NOTCH2: variants seen among roughly 807,000 people sequenced by gnomAD.
NOTCH2 encodes the protein notch receptor 2, also known as neurogenic locus notch homolog protein 2.
A neutral mutation model predicts 235.8 loss-of-function variants in NOTCH2; 29 were observed. The observed-to-expected ratio is 0.12, with a 90% CI of 0.09 to 0.17. NOTCH2 has a LOEUF of 0.17. Ranked by LOEUF, NOTCH2 falls within the 10% of genes least tolerant of loss-of-function variation. The pLI is 1.00. For missense variants in NOTCH2, 2,285 were observed against 3,150.2 expected (o/e 0.73, Z 6.57); for synonymous variants, 1,086 against 1,141.5 (o/e 0.95, Z 0.98).
At position 120,001,693 on chromosome 1, in the gene NOTCH2, G is replaced by T. The variant is rs1183401842; in HGVS notation, c.415+3636C>A. On this transcript the variant is annotated intron_variant, in intron 3 of 33. Coordinates refer to ENST00000256646, the MANE Select transcript of NOTCH2 (RefSeq NM_024408.4). Reference sequence around the variant, plus strand: ...CTTACTGGAATAGACACTTACTCTGGATATGGGTTTGCCTATCCTGCATGC... The same window carrying T: ...CTTACTGGAATAGACACTTACTCTGTATATGGGTTTGCCTATCCTGCATGC... Among the ~76,000 whole-genome samples, 3 of 152,162 alleles carry T rather than the reference G, an allele frequency of 2.0e-5. 1 individual carries two copies.
At position 119,916,136 on chromosome 1, in the gene NOTCH2, G is replaced by C; in HGVS notation, c.6586C>G (p.Gln2196Glu). Residue 2196 changes from glutamine to glutamate, a missense_variant, in exon 34 of 34, where the codon CAG becomes GAG. Coordinates refer to ENST00000256646, the MANE Select transcript of NOTCH2 (RefSeq NM_024408.4). ...AGGTTAGAAAAAGATAGTGCATGCT[G>C]GGCATGGACTGGGGCAGGAGGGGCG... ...TAAPPAPVHAQHALSFSNLHE... is the reference protein window; with the variant it reads ...TAAPPAPVHAEHALSFSNLHE... 1.9e-6 allele frequency: 3 copies of C among 1,614,174 alleles called. No homozygotes were observed. In the South Asian group the frequency reaches 3.3e-5, roughly 18 times the overall value.
chr1:119,950,478 T>TAA, intron 15 of NOTCH2: 2 of 634,556 alleles, frequency 3.2e-6, no homozygotes, highest in Non-Finnish European at 5.8e-6. Context: ...CACATACAAT[T>TAA]AAAAAAAAAT....
At chr1:120,014,474 G>T (rs1374563740) in intron 2 of NOTCH2, among the ~76,000 whole-genome samples, 1 of 148,962 alleles carries the variant, frequency 6.7e-6, no homozygotes, top group Non-Finnish European at 1.5e-5. Flanking sequence ...TCAAACATAC[G>T]CATGGGGTTG....
At chr1:119,950,532 C>T in intron 15 of NOTCH2, 192 bp downstream of exon 15, 2 of 697,318 alleles carry the variant, frequency 2.9e-6, no homozygotes, top group Non-Finnish European at 5.3e-6. Flanking sequence ...TGACTGTCCA[C>T]CACTTGCATC....
At chr1:119,937,719 G>A in intron 20 of NOTCH2, 138 bp downstream of exon 20, 1 of 935,666 alleles carries the variant, frequency 1.1e-6, no homozygotes. Flanking sequence ...TCTGTCTTGA[G>A]CCCTTTCCCC....
intron 1 of NOTCH2, among the ~76,000 whole-genome samples, chr1:120,033,805 A>G (rs1654197217): frequency 1.3e-5 from 2 of 152,210 alleles, no homozygotes; most frequent in Non-Finnish European, 2.9e-5. Context: ...AAAATGTTAA[A>G]TATTTGAGAT....
chr1:120,007,641 C>A (rs1431195763), intron 2 of NOTCH2, among the ~76,000 whole-genome samples: 1 of 151,736 alleles, frequency 6.6e-6, no homozygotes, highest in Non-Finnish European at 1.5e-5. Flanking sequence ...AGTGAGCCAA[C>A]GAGATTGTGC....
intron 19 of NOTCH2, among the ~76,000 whole-genome samples, 153 bp downstream of exon 19, chr1:119,940,401 TG>T (rs1650023297): frequency 6.6e-6 from 1 of 152,218 alleles, no homozygotes; most frequent in South Asian, 2.1e-4. Context: ...TTTTGGAATC[TG>T]CAAGTTATTA....
rs1570699995 is a variant in NOTCH2, at chr1:119,967,418, G to C, written c.1453+15C>G. On this transcript the variant is annotated intron_variant, in intron 8 of 33. Transcript: ENST00000256646. ...CCCTCCTCTCTAGACCCAACATGCT[G>C]ATGGGCCCATTTACCTGGCATGCAC... 6 of 1,612,450 alleles carry C rather than the reference G, an allele frequency of 3.7e-6. No homozygotes were observed. Among genetic ancestry groups the C allele is most frequent in the Non-Finnish European group, 5.1e-6 (6 of 1,178,504 alleles).
intron 5 of NOTCH2, among the ~76,000 whole-genome samples, chr1:119,975,831 A>G (rs1651559462): frequency 6.6e-6 from 1 of 152,180 alleles, no homozygotes; most frequent in Admixed American, 6.5e-5. Context: ...GGACACAAAC[A>G]GCTCATTATG....
rs1358655989 is a variant in NOTCH2 at position 119,953,557 on chromosome 1, T to C, written c.2351A>G (p.Lys784Arg). 2 of 1,614,094 alleles carry C rather than the reference T, an allele frequency of 1.2e-6. No individual in the cohort carries two copies. The highest frequency in any genetic ancestry group is 1.7e-6 in the Non-Finnish European group (2 of 1,180,034). The change falls in exon 14 of 34, where the codon AAG (lysine) becomes AGG (arginine). Residue 784 changes from lysine to arginine, a missense_variant. Coordinates refer to ENST00000256646, the MANE Select transcript of NOTCH2 (RefSeq NM_024408.4). ...NLVNGYRCTC[K>R]KGFKGYNCQV... is the part of the protein sequence containing the mutation. ...TTTGTTTTCACCTTTAAAGCCCTTC[T>C]TGCAAGTACACCTGTATCCATTCAC...
intron 17 of NOTCH2, among the ~76,000 whole-genome samples, chr1:119,945,063 A>G (rs1553196898): frequency 6.6e-6 from 1 of 152,162 alleles, no homozygotes; most frequent in South Asian, 2.1e-4. Context: ...ACATTTTATA[A>G]CAACAATAGA....
rs2101156121 is a variant in NOTCH2 at position 119,922,685 on chromosome 1, G to A, written c.4953C>T (p.Ala1651=). ...ACAGGGTCCCCTGTATGGCGTGAGA[G>A]GCCAGGAGAGCTGCTGCTGCATCCG... The part of the protein sequence containing the change: ...KNTDAAAALL[A]SHAIQGTLSY... The change falls in exon 27 of 34, where the codon GCC becomes GCT. Residue 1651 remains alanine (A), a synonymous_variant. Coordinates refer to ENST00000256646, the MANE Select transcript of NOTCH2 (RefSeq NM_024408.4). The A allele has an allele frequency of 6.2e-7, 1 of 1,614,198 alleles. No homozygotes were observed. The highest frequency in any genetic ancestry group is 8.5e-7 in the Non-Finnish European group (1 of 1,180,044).
chr1:119,953,798 T>C (rs1199356335), intron 13 of NOTCH2, 110 bp from the exon 14 acceptor site: 1 of 959,262 alleles, frequency 1.0e-6, no homozygotes, highest in Non-Finnish European at 1.7e-6. Context: ...TCATTTCTAC[T>C]TTCATGGAAC....
intron 11 of NOTCH2, among the ~76,000 whole-genome samples, chr1:119,963,209 A>C (rs1319303141): frequency 2.0e-5 from 3 of 151,728 alleles, no homozygotes; most frequent in African/African-American, 7.3e-5. Flanking sequence ...GAAGGAAGGA[A>C]GGACTGAATT....
Position 119,986,873 on chromosome 1 carries a change from T to C in NOTCH2, c.874+87A>G, listed in dbSNP as rs1652039289. The C allele has an allele frequency of 4.5e-6, 7 of 1,568,234 alleles. No individual in the cohort carries two copies. In the South Asian group the frequency reaches 7.8e-5, roughly 17 times the overall value. On this transcript the variant is annotated intron_variant, in intron 5 of 33. Transcript: ENST00000256646. ...TACTGGTTCCAGAGCAGGCCTAAGA[T>C]ATTTGTTACTGATATTTTAAAAAAA...
Position 119,929,235 on chromosome 1 carries a change from A to G in NOTCH2, c.3656-23T>C, listed in dbSNP as rs375868550. 125 of 1,591,852 alleles carry G rather than the reference A, an allele frequency of 7.9e-5. No homozygotes were observed. The African/African-American group carries it at 1.1e-3, about 14-fold the overall frequency. On this transcript the variant is annotated intron_variant, in intron 22 of 33. Coordinates refer to ENST00000256646, the MANE Select transcript of NOTCH2 (RefSeq NM_024408.4). ...GGCCTGGAGGAAAGAGAAGAGGTAC[A>G]GAATTATGAAAATCCTTTTAACCTG...
intron 5 of NOTCH2, among the ~76,000 whole-genome samples, chr1:119,982,884 C>T (rs2101175192): frequency 6.6e-6 from 1 of 152,284 alleles, no homozygotes; most frequent in South Asian, 2.1e-4. Context: ...ACAGTTCTGC[C>T]CACAGGCCAT....
intron 3 of NOTCH2, among the ~76,000 whole-genome samples, chr1:119,999,981 A>G (rs1557840311): frequency 1.1e-5 from 1 of 91,420 alleles, no homozygotes; most frequent in East Asian, 2.6e-4. Flanking sequence ...GAAAGAAAGG[A>G]AGGAAGGAAG....
Sources: gnomAD v4.1 joint callset for allele counts (sites outside exome capture counted in the v4.1 genomes callset) on GRCh38, gnomAD v4.1.1 for gene constraint, MANE v1.5 for transcripts, NCBI Gene and HGNC (gene_info 2026-07-23, HGNC 2026-07-21) for gene names.